TFAP4: variants seen among roughly 807,000 people sequenced by gnomAD.
The protein encoded by TFAP4 is activating enhancer-binding protein 4.
TFAP4 carries 7 observed loss-of-function variants against 40.4 expected under a neutral mutation model. That is an observed-to-expected ratio of 0.17 (90% confidence interval 0.10 to 0.33). TFAP4 has a LOEUF of 0.33. TFAP4 is among the 10% of genes least tolerant of loss of function. TFAP4 has a pLI of 1.00. For missense variants in TFAP4, 374 were observed against 451.1 expected (o/e 0.83, Z 1.55); for synonymous variants, 218 against 181.4 (o/e 1.20, Z -1.62).
intron 1 of TFAP4, among the ~76,000 whole-genome samples, chr16:4,269,914 C>T (rs1209447177): frequency 6.6e-6 from 1 of 152,206 alleles, no homozygotes; most frequent in Non-Finnish European, 1.5e-5. Context: ...GGCGCAGTTG[C>T]TCATGCCTGT....
Position 4,257,810 on chromosome 16 carries a change from C to CG in TFAP4, c.*244dup, listed in dbSNP as rs1326613226. On this transcript the variant is annotated 3_prime_UTR_variant, in exon 7 of 7. Coordinates refer to ENST00000204517, the MANE Select transcript of TFAP4 (RefSeq NM_003223.3). ...CTCCGTGTCAGCTTCCTCCAGCCCCCGGGGCCGAGGCCCCGCCCTGGGGTG... is the reference window on the plus strand; with the variant it reads ...CTCCGTGTCAGCTTCCTCCAGCCCCCGGGGGCCGAGGCCCCGCCCTGGGGTG... The CG allele has an allele frequency of 9.6e-6, 4 of 418,102 alleles. No individual in the cohort carries two copies. The highest frequency in any genetic ancestry group is 3.8e-5 in the East Asian group (1 of 26,078). The allele number at this position is 418,102 out of a possible 1,614,324, so 25.9% of individuals were successfully genotyped here. A position where few individuals can be genotyped will look rare whatever the true frequency, so the allele number is the denominator to read the frequency against.
chr16:4,269,735 C>G (rs1049094378), intron 1 of TFAP4, among the ~76,000 whole-genome samples: 1 of 145,776 alleles, frequency 6.9e-6, no homozygotes, highest in African/African-American at 2.5e-5. Flanking sequence ...GCTTGAACCC[C>G]GGAGGCAGAA....
At position 4,272,797 on chromosome 16, in the gene TFAP4, G is replaced by T. The variant is rs753204825; in HGVS notation, c.-51C>A. ...GAGCCAGGTCCCGCGATCAGCCGGA[G>T]AATGCAAGATGGAAATCCGAATCAA... On this transcript the variant is annotated 5_prime_UTR_variant, in exon 1 of 7. Transcript: ENST00000204517. 6.4e-7 allele frequency: 1 copy of T among 1,560,894 alleles called. No homozygotes were observed. Among genetic ancestry groups the T allele is most frequent in the East Asian group, 2.3e-5 (1 of 44,058 alleles).
At chr16:4,258,351 A>C in intron 6 of TFAP4, 102 bp from the exon 7 acceptor site, 5 of 1,184,580 alleles carry the variant, frequency 4.2e-6, no homozygotes, top group Non-Finnish European at 5.9e-6. Flanking sequence ...CAAAACACAT[A>C]GCCCAGAAAA....
At chr16:4,265,901 G>C (rs1041149502) in intron 1 of TFAP4, 2 of 152,192 alleles carry the variant, frequency 1.3e-5, no homozygotes, top group African/African-American at 4.8e-5. Context: ...TATCAGAAGC[G>C]GGTGTGTGAC....
chr16:4,269,422 G>A (rs1294552649), intron 1 of TFAP4, among the ~76,000 whole-genome samples: 2 of 150,706 alleles, frequency 1.3e-5, no homozygotes, highest in Non-Finnish European at 3.0e-5. Context: ...GAACCCGGGA[G>A]GCCGAGCTTG....
At chr16:4,262,000 C>T (rs1353074913) in intron 3 of TFAP4, 51 bp from the exon 4 acceptor site, 1 of 1,526,150 alleles carries the variant, frequency 6.6e-7, no homozygotes. Context: ...GGTACCACCA[C>T]GGAGATTGGG....
At chr16:4,272,116 G>A (rs1441420993) in intron 1 of TFAP4, among the ~76,000 whole-genome samples, 4 of 148,890 alleles carry the variant, frequency 2.7e-5, no homozygotes, top group Non-Finnish European at 5.9e-5. Context: ...ACGCGAGCAC[G>A]CCCCCGACCC....
intron 1 of TFAP4, among the ~76,000 whole-genome samples, chr16:4,270,031 A>G (rs1189279514): frequency 6.6e-6 from 1 of 151,926 alleles, no homozygotes; most frequent in Non-Finnish European, 1.5e-5. Flanking sequence ...CTAAAAATAA[A>G]AAAATTAGCC....
intron 1 of TFAP4, chr16:4,267,912 G>C (rs546175957): frequency 1.3e-5 from 2 of 152,364 alleles, no homozygotes; most frequent in African/African-American, 2.4e-5. Context: ...CCTTCCCCTC[G>C]GTCCCAGAAC....
chr16:4,268,607 T>C (rs1386068625), intron 1 of TFAP4, among the ~76,000 whole-genome samples: 2 of 152,130 alleles, frequency 1.3e-5, no homozygotes, highest in African/African-American at 2.4e-5. Context: ...TTTATTTATT[T>C]AGAGGCAGGG....
At chr16:4,259,215 C>T (rs1275238347) in intron 6 of TFAP4, among the ~76,000 whole-genome samples, 2 of 152,078 alleles carry the variant, frequency 1.3e-5, no homozygotes, top group African/African-American at 4.8e-5. Flanking sequence ...CTCACTGCAA[C>T]TTCCACCTCC....
At chr16:4,262,487 A>T in intron 2 of TFAP4, 49 bp downstream of exon 2, 1 of 1,613,482 alleles carries the variant, frequency 6.2e-7, no homozygotes, top group Non-Finnish European at 8.5e-7. Flanking sequence ...TTCCTCTCCC[A>T]GCGGGAACCT....
chr16:4,272,469 C>A (rs921452062), intron 1 of TFAP4, among the ~76,000 whole-genome samples, 189 bp downstream of exon 1: 2 of 151,986 alleles, frequency 1.3e-5, no homozygotes, highest in African/African-American at 2.4e-5. Flanking sequence ...TTGGGGCCCC[C>A]ATGCTCCAAG....
Position 4,258,123 on chromosome 16 carries a change from C to G in TFAP4, c.949G>C (p.Glu317Gln). 1.9e-6 allele frequency: 3 copies of G among 1,613,758 alleles called. No homozygotes were observed. The highest frequency in any genetic ancestry group is 2.5e-6 in the Non-Finnish European group (3 of 1,179,918). The change falls in exon 7 of 7, where the codon GAG becomes CAG. Residue 317 changes from glutamate to glutamine, a missense_variant. Coordinates refer to ENST00000204517, the MANE Select transcript of TFAP4 (RefSeq NM_003223.3). The stretch of plus-strand genomic sequence containing the variant: ...TCCATGGCGTCACTGTCTGAGGCCT[C>G]GGAGTCGGAGGCGGTGTCAGAGGTG... ...APTSDTASDSEASDSDAMDQS... is the reference protein window; with the variant it reads ...APTSDTASDSQASDSDAMDQS...
At chr16:4,270,691 G>A (rs2053033579) in intron 1 of TFAP4, among the ~76,000 whole-genome samples, 2 of 152,328 alleles carry the variant, frequency 1.3e-5, no homozygotes, top group Admixed American at 1.3e-4. Flanking sequence ...AACGCTTGGG[G>A]CAGGGATAAA....
chr16:4,258,325 C>T (rs1052875910), intron 6 of TFAP4, 76 bp from the exon 7 acceptor site: 3 of 1,386,918 alleles, frequency 2.2e-6, no homozygotes, highest in Admixed American at 4.7e-5. Flanking sequence ...GGCTCTCAGC[C>T]AGCCACTGTC....
chr16:4,262,692 G>A lies in TFAP4; in HGVS notation c.99C>T (p.Asn33=), dbSNP rs777148532. The change falls in exon 2 of 7, where the codon AAC becomes AAT. Residue 33 remains asparagine, a synonymous_variant. Coordinates refer to ENST00000204517, the MANE Select transcript of TFAP4 (RefSeq NM_003223.3). The stretch of plus-strand genomic sequence containing the variant: ...GCTGAGTCTCGGGGGTTAGTGGAAT[G>A]TTGGCAAGGCTGCCAGAGAGGACAG... ...EVIGGLCSLA[N]IPLTPETQRD... is the part of the protein sequence containing the mutation. 5 of 1,608,624 alleles carry A rather than the reference G, an allele frequency of 3.1e-6. No homozygotes were observed. The highest frequency in any genetic ancestry group is 8.5e-7 in the Non-Finnish European group (1 of 1,179,930).
intron 1 of TFAP4, among the ~76,000 whole-genome samples, chr16:4,270,554 T>A (rs1236264874): frequency 6.6e-6 from 1 of 152,198 alleles, no homozygotes; most frequent in Non-Finnish European, 1.5e-5. Flanking sequence ...CCATGCCTAA[T>A]GCACAGCTGA....
Sources: allele counts gnomAD v4.1 joint callset (sites outside exome capture counted in the v4.1 genomes callset), GRCh38; gene constraint gnomAD v4.1.1; transcripts MANE v1.5; gene names NCBI Gene and HGNC (gene_info 2026-07-23, HGNC 2026-07-21).